Variants in PTK7 observed in about 807,000 individuals in gnomAD.
PTK7 encodes inactive tyrosine-protein kinase 7.
Under a neutral mutation model 116.6 loss-of-function variants are expected in PTK7, and 39 were observed. That is an observed-to-expected ratio of 0.33 (90% CI 0.26 to 0.44). PTK7 has a LOEUF of 0.44. PTK7 is among the 20% of genes least tolerant of loss of function. The pLI is 1.00. For synonymous variants in PTK7, 546 were observed against 563.6 expected (o/e 0.97, Z 0.44); for missense variants, 1,169 against 1,425.6 (o/e 0.82, Z 2.90).
At chr6:43,111,760 T>C (rs572233482) in intron 1 of PTK7, among the ~76,000 whole-genome samples, 1 of 152,054 alleles carries the variant, frequency 6.6e-6, no homozygotes, top group South Asian at 2.1e-4. Context: ...CCTGATCTCC[T>C]GGTCTCAAGT....
intron 1 of PTK7, among the ~76,000 whole-genome samples, chr6:43,102,173 C>G (rs1481404141): frequency 2.0e-5 from 3 of 152,122 alleles, no homozygotes; most frequent in Non-Finnish European, 2.9e-5. Context: ...GCCTGTAATC[C>G]CAGCACTTTG....
chr6:43,117,194 C>A (rs144895950), intron 1 of PTK7, among the ~76,000 whole-genome samples: 21 of 152,204 alleles, frequency 1.4e-4, no homozygotes, highest in African/African-American at 4.8e-4. Context: ...GCTTCTCCCC[C>A]AGAAAAGCCC....
chr6:43,161,023 G>T lies in PTK7; in HGVS notation c.*142G>T. On this transcript the variant is annotated 3_prime_UTR_variant, in exon 20 of 20. Coordinates refer to ENST00000230419, the MANE Select transcript of PTK7 (RefSeq NM_002821.5). Reference sequence around the variant, plus strand: ...CAGGCATTGCTGAGGTCTGAGCAGGGCCTGGCCTTTCCTCCTCTTCCTCAC... The same window carrying T: ...CAGGCATTGCTGAGGTCTGAGCAGGTCCTGGCCTTTCCTCCTCTTCCTCAC... 8.3e-7 allele frequency: 1 copy of T among 1,212,078 alleles called. No homozygotes were observed. Among genetic ancestry groups the T allele is most frequent in the Non-Finnish European group, 1.1e-6 (1 of 896,168 alleles). 75.1% of individuals were successfully genotyped at this position (1,212,078 alleles called of 1,614,324 possible). A position where few individuals can be genotyped will look rare whatever the true frequency, so the allele number is the denominator to read the frequency against.
At chr6:43,095,125 T>C in intron 1 of PTK7, among the ~76,000 whole-genome samples, 1 of 139,232 alleles carries the variant, frequency 7.2e-6, no homozygotes, top group East Asian at 2.1e-4. Flanking sequence ...TTTGGGAGGC[T>C]GAGGCAGGCG....
intron 7 of PTK7, among the ~76,000 whole-genome samples, chr6:43,136,206 A>T (rs888004206): frequency 6.6e-6 from 1 of 151,596 alleles, no homozygotes; most frequent in Non-Finnish European, 1.5e-5. Flanking sequence ...ATGGTGGCAC[A>T]TGCCTGTAAT....
At chr6:43,093,776 C>T (rs936179433) in intron 1 of PTK7, among the ~76,000 whole-genome samples, 3 of 152,092 alleles carry the variant, frequency 2.0e-5, no homozygotes, top group Non-Finnish European at 4.4e-5. Flanking sequence ...AAGAATGAAG[C>T]AACAGAAGAA....
chr6:43,146,193 C>A, intron 16 of PTK7: 1 of 156,692 alleles, frequency 6.4e-6, no homozygotes, highest in Non-Finnish European at 1.4e-5. Flanking sequence ...CAAACAAGTA[C>A]TTATGAATGC....
In PTK7 at chr6:43,161,105, G is replaced by A. The variant is rs1177920389; in HGVS notation, c.*224G>A. ...AACTGGGCGACTAGGGCTTTGAGCT[G>A]GGCAGTTTTCCCTGCCACCTCTTCC... is the stretch of plus-strand genomic sequence containing the variant. On this transcript the variant is annotated 3_prime_UTR_variant, in exon 20 of 20. Transcript: ENST00000230419. 1 of 604,752 alleles carries A rather than the reference G, an allele frequency of 1.7e-6. No individual in the cohort carries two copies. The highest frequency in any genetic ancestry group is 2.6e-5 in the South Asian group (1 of 38,352). 37.5% of individuals were successfully genotyped at this position (604,752 alleles called of 1,614,324 possible).
Position 43,130,250 on chromosome 6 carries a change from G to A in PTK7, c.491G>A (p.Arg164Gln), listed in dbSNP as rs544566872. Residue 164 changes from arginine to glutamine, a missense_variant, in exon 4 of 20, where the codon CGA (arginine) becomes CAA (glutamine). Transcript: ENST00000230419. ...GHPRPTYQWFRDGTPLSDGQS... is the reference protein window; with the variant it reads ...GHPRPTYQWFQDGTPLSDGQS... ...TGCAGGCCCACCTACCAATGGTTCCGAGATGGGACCCCCCTTTCTGATGGT... is the reference window on the plus strand; with the variant it reads ...TGCAGGCCCACCTACCAATGGTTCCAAGATGGGACCCCCCTTTCTGATGGT... The A allele has an allele frequency of 3.8e-6, 6 of 1,591,304 alleles. No homozygotes were observed. The highest frequency in any genetic ancestry group is 2.7e-5 in the African/African-American group (2 of 74,612).
At chr6:43,137,141 CTTGCAGGGTT>C (rs974718909) in intron 7 of PTK7, among the ~76,000 whole-genome samples, 26 of 152,202 alleles carry the variant, frequency 1.7e-4, no homozygotes, top group African/African-American at 5.8e-4. Context: ...ATGGGAAGGT[CTTGCAGGGTT>C]TTGAGTGGAA....
At chr6:43,115,604 G>A (rs1768465297) in intron 1 of PTK7, among the ~76,000 whole-genome samples, 1 of 152,086 alleles carries the variant, frequency 6.6e-6, no homozygotes, top group Non-Finnish European at 1.5e-5. Context: ...TGGCTGCGAG[G>A]AGAGCTTTGG....
rs112018158 is a variant in PTK7, at chr6:43,124,938, C to T, written c.80-4039C>T. The stretch of plus-strand genomic sequence containing the variant: ...CTGTAATCCCAGCACTTTGGGAGGC[C>T]GAGGCGGGTGGATCACCTGAGGTTG... On this transcript the variant is annotated intron_variant, in intron 1 of 19. Coordinates refer to ENST00000230419, the MANE Select transcript of PTK7 (RefSeq NM_002821.5). Among the ~76,000 whole-genome samples, 14 of 152,200 alleles carry T rather than the reference C, an allele frequency of 9.2e-5. No individual in the cohort carries two copies. In the East Asian group the frequency reaches 2.3e-3, roughly 25 times the overall value.
chr6:43,138,657 G>A, intron 7 of PTK7, 192 bp from the exon 8 acceptor site: 1 of 655,408 alleles, frequency 1.5e-6, no homozygotes, highest in Non-Finnish European at 2.5e-6. Context: ...GTGAGAACCT[G>A]TCTTAAAAGA....
At position 43,129,145 on chromosome 6, in the gene PTK7, G is replaced by A; in HGVS notation, c.248G>A (p.Ser83Asn). 2.5e-6 allele frequency: 4 copies of A among 1,614,226 alleles called. No homozygotes were observed. The highest frequency in any genetic ancestry group is 3.4e-6 in the Non-Finnish European group (4 of 1,180,044). Residue 83 changes from serine (S) to asparagine (N), a missense_variant, in exon 2 of 20, where the codon AGC becomes AAC. Around this residue, in one of 3 missense-constraint regions of PTK7, gnomAD observed 487 missense variants for 549.8 expected, o/e 0.89. Transcript: ENST00000230419. The surrounding 1 kb of genome is among the most constrained non-coding windows in gnomAD (Gnocchi z 4.5). ...QDTERRFAQG[S>N]SLSFAAVDRL... ...ACGGAGCGGCGTTTCGCCCAGGGCA[G>A]CAGCCTGAGCTTTGCAGCTGTGGAC...
intron 6 of PTK7, 72 bp downstream of exon 6, chr6:43,132,236 TTC>T: frequency 6.5e-7 from 1 of 1,536,434 alleles, no homozygotes; most frequent in Non-Finnish European, 8.8e-7. Flanking sequence ...AGATTTAGGC[TTC>T]TGTTTTTACT....
At chr6:43,111,983 A>G (rs1768219468) in intron 1 of PTK7, among the ~76,000 whole-genome samples, 1 of 151,686 alleles carries the variant, frequency 6.6e-6, no homozygotes, top group Non-Finnish European at 1.5e-5. Flanking sequence ...CACCTGGCCT[A>G]TTAGCACCAT....
chr6:43,160,178 C>T (rs114092292), intron 19 of PTK7, among the ~76,000 whole-genome samples: 3,751 of 152,244 alleles, frequency 0.025, 161 homozygotes, highest in African/African-American at 0.085. Flanking sequence ...TGCAGTGGCC[C>T]GATCTCCGTT....
At chr6:43,112,358 T>G (rs750245071) in intron 1 of PTK7, among the ~76,000 whole-genome samples, 8 of 151,834 alleles carry the variant, frequency 5.3e-5, no homozygotes, top group Admixed American at 2.0e-4. Context: ...AACCTCCGCC[T>G]CCCAGGTTCA....
At chr6:43,103,812 A>G (rs971681887) in intron 1 of PTK7, among the ~76,000 whole-genome samples, 1 of 152,128 alleles carries the variant, frequency 6.6e-6, no homozygotes, top group Non-Finnish European at 1.5e-5. Flanking sequence ...CACTAACCAC[A>G]CTGTTCCTTT....
Sources: allele counts gnomAD v4.1 joint callset (sites outside exome capture counted in the v4.1 genomes callset), GRCh38; gene constraint gnomAD v4.1.1; regional missense constraint gnomAD v4.1.1; non-coding constraint Gnocchi (gnomAD v3.1); transcripts MANE v1.5; gene names NCBI Gene and HGNC (gene_info 2026-07-23, HGNC 2026-07-21).